RNF220: variants seen among roughly 807,000 people sequenced by gnomAD.
RNF220 encodes the protein E3 ubiquitin-protein ligase RNF220.
A neutral mutation model predicts 67.1 loss-of-function variants in RNF220; 7 were observed. The ratio of observed to expected loss-of-function variants is 0.10; its 90% CI spans 0.06 to 0.20. The LOEUF (loss-of-function observed/expected upper bound fraction) is 0.20. Among genes scored for constraint, RNF220 ranks in the 10% least tolerant of loss-of-function variants. The pLI is 1.00. For missense variants in RNF220, 565 were observed against 740.3 expected (o/e 0.76, Z 2.75); for synonymous variants, 270 against 283.2 (o/e 0.95, Z 0.47).
chr1:44,632,598 CCTCT>C (rs1478313883), intron 6 of RNF220: 2 of 607,616 alleles, frequency 3.3e-6, no homozygotes, highest in Admixed American at 2.8e-5. Flanking sequence ...CTTGCCCAAA[CCTCT>C]CTAAAGGCCC....
At chr1:44,473,497 G>T (rs1419233842) in intron 2 of RNF220, among the ~76,000 whole-genome samples, 1 of 124,934 alleles carries the variant, frequency 8.0e-6, no homozygotes, top group Non-Finnish European at 1.7e-5. Flanking sequence ...TGGCGGGGGC[G>T]GGGGGCGGGG....
intron 2 of RNF220, among the ~76,000 whole-genome samples, chr1:44,520,546 T>C (rs1489080646): frequency 1.3e-5 from 2 of 152,212 alleles, no homozygotes; most frequent in Non-Finnish European, 1.5e-5. Context: ...CTCTCCTGCC[T>C]TGGGTTTCCC....
intron 2 of RNF220, chr1:44,419,310 G>T (rs1444051944): frequency 1.3e-5 from 2 of 152,160 alleles, no homozygotes; most frequent in East Asian, 1.9e-4. Context: ...GCAGCAAGAA[G>T]AATTTTCTGC....
At chr1:44,518,658 C>T (rs368220495) in intron 2 of RNF220, among the ~76,000 whole-genome samples, 81 of 152,228 alleles carry the variant, frequency 5.3e-4, no homozygotes, top group African/African-American at 1.9e-3. Flanking sequence ...AGGCAGATCA[C>T]GAGGTCAGAA....
chr1:44,574,215 C>A (rs1664651748), intron 2 of RNF220, among the ~76,000 whole-genome samples: 1 of 152,154 alleles, frequency 6.6e-6, no homozygotes, highest in Non-Finnish European at 1.5e-5. Context: ...CACATTTCCC[C>A]AGCTGGGCCA....
intron 2 of RNF220, among the ~76,000 whole-genome samples, chr1:44,434,047 G>A (rs1359638105): frequency 1.3e-5 from 2 of 152,052 alleles, no homozygotes; most frequent in African/African-American, 4.8e-5. Context: ...AAAGTATTAT[G>A]ACTGATTATT....
intron 2 of RNF220, among the ~76,000 whole-genome samples, chr1:44,575,561 A>C (rs1664744977): frequency 6.6e-6 from 1 of 152,210 alleles, no homozygotes; most frequent in African/African-American, 2.4e-5. Flanking sequence ...GCTGAGCATC[A>C]CTAATCACCA....
At chr1:44,549,842 T>G (rs948687998) in intron 2 of RNF220, among the ~76,000 whole-genome samples, 2 of 152,166 alleles carry the variant, frequency 1.3e-5, no homozygotes, top group Non-Finnish European at 2.9e-5. Flanking sequence ...AGACCCACCT[T>G]CGCCCTGAGT....
At chr1:44,570,555 G>T (rs1390748286) in intron 2 of RNF220, among the ~76,000 whole-genome samples, 1 of 152,128 alleles carries the variant, frequency 6.6e-6, no homozygotes, top group Non-Finnish European at 1.5e-5. Flanking sequence ...ACAGGCTAAA[G>T]CCGAAGTCTC....
At chr1:44,524,895 C>T (rs1260365067) in intron 2 of RNF220, among the ~76,000 whole-genome samples, 2 of 152,116 alleles carry the variant, frequency 1.3e-5, no homozygotes, top group African/African-American at 4.8e-5. Flanking sequence ...TAGCAGAGAG[C>T]TCTCGTTGAG....
chr1:44,560,426 G>GA (rs1209193917), intron 2 of RNF220, among the ~76,000 whole-genome samples: 7 of 152,100 alleles, frequency 4.6e-5, no homozygotes, highest in Admixed American at 1.3e-4. Context: ...AGTCGGTGGT[G>GA]ACCAAATGGA....
At chr1:44,431,364 G>A (rs916115510) in intron 2 of RNF220, among the ~76,000 whole-genome samples, 2 of 151,970 alleles carry the variant, frequency 1.3e-5, no homozygotes, top group African/African-American at 2.4e-5. Flanking sequence ...AGTGGCCTGC[G>A]CCTGTAATCC....
chr1:44,521,575 T>C (rs1240994644), intron 2 of RNF220, among the ~76,000 whole-genome samples: 1 of 152,092 alleles, frequency 6.6e-6, no homozygotes, highest in Non-Finnish European at 1.5e-5. Context: ...TCTGTGGGTG[T>C]GGGTGGGGGC....
intron 2 of RNF220, among the ~76,000 whole-genome samples, chr1:44,573,787 G>T (rs2148325845): frequency 6.6e-6 from 1 of 152,304 alleles, no homozygotes; most frequent in South Asian, 2.1e-4. Flanking sequence ...TCATCCCTAT[G>T]TCCTCTTAGA....
chr1:44,412,789 G>A lies in RNF220; in HGVS notation c.625+67G>A. ...CCTGCCTCACCGTGATGTTCAACAGGTCGGTGGCGTTTTGCATGCTCCTAG... is the reference window on the plus strand; with the variant it reads ...CCTGCCTCACCGTGATGTTCAACAGATCGGTGGCGTTTTGCATGCTCCTAG... On this transcript the variant is annotated intron_variant, in intron 2 of 14. Coordinates refer to ENST00000361799, the MANE Select transcript of RNF220 (RefSeq NM_018150.4). This position sits in a 1 kb window ranked among gnomAD's most constrained non-coding sequence, Gnocchi z 5.3. The A allele has an allele frequency of 6.5e-7, 1 of 1,540,660 alleles. No homozygotes were observed. The highest frequency in any genetic ancestry group is 8.8e-7 in the Non-Finnish European group (1 of 1,140,084).
At chr1:44,506,199 C>T (rs1311758237) in intron 2 of RNF220, among the ~76,000 whole-genome samples, 1 of 152,222 alleles carries the variant, frequency 6.6e-6, no homozygotes. Context: ...GGCCAGTGCC[C>T]AGCATCACAG....
rs187210804 is a variant in RNF220, at chr1:44,561,351, A to G, written c.626-52814A>G. ...ATGGTGAAACCCCATCTCTACTAAA[A>G]ATACAAAAATTAGCTGGGCATGGTG... On this transcript the variant is annotated intron_variant, in intron 2 of 14. Transcript: ENST00000361799. 2.1e-3 allele frequency among the ~76,000 whole-genome samples: 314 copies of G among 152,310 alleles called. 2 individuals carry two copies. Among genetic ancestry groups the G allele is most frequent in the South Asian group, 3.5e-3 (17 of 4,830 alleles).
rs189890968 is a variant in RNF220 at position 44,458,627 on chromosome 1, C to T, written c.625+45905C>T. On this transcript the variant is annotated intron_variant, in intron 2 of 14. Transcript: ENST00000361799. ...CAATAGCATTTAAAAAAGAGATTTA[C>T]CTTTATGAAACTTCCCAAAGTATCT... 4.0e-3 allele frequency among the ~76,000 whole-genome samples: 604 copies of T among 152,308 alleles called. 2 individuals are homozygous for T. The highest frequency in any genetic ancestry group is 5.8e-3 in the Non-Finnish European group (395 of 68,038).
intron 2 of RNF220, among the ~76,000 whole-genome samples, chr1:44,530,008 C>T (rs991759914): frequency 1.3e-5 from 2 of 151,116 alleles, no homozygotes; most frequent in South Asian, 2.1e-4. Flanking sequence ...AAGCCAAGAT[C>T]GTGCCACTGC....
Sources: allele counts gnomAD v4.1 joint callset (sites outside exome capture counted in the v4.1 genomes callset), GRCh38; gene constraint gnomAD v4.1.1; non-coding constraint Gnocchi (gnomAD v3.1); transcripts MANE v1.5; gene names NCBI Gene and HGNC (gene_info 2026-07-23, HGNC 2026-07-21).